MARCHF6: variants seen among roughly 807,000 people sequenced by gnomAD.
The protein encoded by MARCHF6 is E3 ubiquitin-protein ligase MARCHF6.
In MARCHF6, 31 loss-of-function variants were observed where a neutral mutation model predicts 133.7. The ratio of observed to expected loss-of-function variants is 0.23; its 90% CI spans 0.17 to 0.31. MARCHF6 has a LOEUF of 0.31. Among genes scored for constraint, MARCHF6 ranks in the 10% least tolerant of loss-of-function variants. MARCHF6 has a pLI of 1.00. For missense variants in MARCHF6, 723 were observed against 1,121.6 expected (o/e 0.64, Z 5.08); for synonymous variants, 395 against 402.5 (o/e 0.98, Z 0.22).
chr5:10,426,156 C>T (rs1346033730), intron 23 of MARCHF6, among the ~76,000 whole-genome samples: 1 of 152,148 alleles, frequency 6.6e-6, no homozygotes, highest in Admixed American at 6.5e-5. Flanking sequence ...AGATTAGTGT[C>T]TTATTTCATC....
chr5:10,394,004 A>AT, intron 7 of MARCHF6, 78 bp from the exon 8 acceptor site: 1 of 824,838 alleles, frequency 1.2e-6, no homozygotes, highest in Non-Finnish European at 1.8e-6. Flanking sequence ...AAATTTTACT[A>AT]TTTTTAGTGC....
chr5:10,353,739 TCTCTCCCTCTCC>T lies in MARCHF6; in HGVS notation c.-152_-141del, dbSNP rs1352543200. 1.1e-4 allele frequency: 30 copies of T among 277,124 alleles called. No homozygotes were observed. Among genetic ancestry groups the T allele is most frequent in the African/African-American group, 7.6e-4 (30 of 39,252 alleles). The allele number at this position is 277,124 out of a possible 1,614,324, so 17.2% of individuals were successfully genotyped here. ...CCGTGTCGCTCGCTTTCTGTCAGCC[TCTCTCCCTCTCC>T]CTCTCCCCTCTCCTTCCTCTCGCTT... On this transcript the variant is annotated 5_prime_UTR_variant, in exon 1 of 26. Coordinates refer to ENST00000274140, the MANE Select transcript of MARCHF6 (RefSeq NM_005885.4).
chr5:10,404,789 T>A (rs2126771226), intron 15 of MARCHF6, among the ~76,000 whole-genome samples: 1 of 152,300 alleles, frequency 6.6e-6, no homozygotes, highest in South Asian at 2.1e-4. Flanking sequence ...ACGGTATAAT[T>A]TCAGTAAATT....
chr5:10,417,492 A>G (rs1739574952), intron 22 of MARCHF6, 88 bp downstream of exon 22: 4 of 1,544,930 alleles, frequency 2.6e-6, no homozygotes, highest in Non-Finnish European at 2.6e-6. Context: ...TACGCCTATA[A>G]TCTAGCACTT....
intron 22 of MARCHF6, among the ~76,000 whole-genome samples, chr5:10,423,154 C>T (rs1052383966): frequency 6.6e-6 from 1 of 151,466 alleles, no homozygotes; most frequent in Admixed American, 6.6e-5. Flanking sequence ...TAAAGAGATA[C>T]TTGGTGGTGG....
At chr5:10,405,432 A>C in intron 15 of MARCHF6, 126 bp from the exon 16 acceptor site, 1 of 729,180 alleles carries the variant, frequency 1.4e-6, no homozygotes, top group Non-Finnish European at 2.1e-6. Context: ...TACCATGTAC[A>C]TTTTCTGGGG....
chr5:10,397,132 A>T (rs1738238103), intron 9 of MARCHF6, among the ~76,000 whole-genome samples, 161 bp from the exon 10 acceptor site: 1 of 152,172 alleles, frequency 6.6e-6, no homozygotes, highest in Non-Finnish European at 1.5e-5. Flanking sequence ...GAAAAATGAA[A>T]GTTACATATT....
intron 1 of MARCHF6, among the ~76,000 whole-genome samples, chr5:10,374,593 G>A (rs967172135): frequency 2.6e-5 from 4 of 152,180 alleles, no homozygotes; most frequent in African/African-American, 7.2e-5. Flanking sequence ...GTATTGCACC[G>A]CTAGGACTCA....
chr5:10,401,869 G>T, intron 11 of MARCHF6, 190 bp from the exon 12 acceptor site: 1 of 543,218 alleles, frequency 1.8e-6, no homozygotes, highest in Non-Finnish European at 3.3e-6. Flanking sequence ...TCATTTTTTA[G>T]TAATATATAA....
At chr5:10,413,760 A>C (rs1739354945) in intron 19 of MARCHF6, among the ~76,000 whole-genome samples, 1 of 152,038 alleles carries the variant, frequency 6.6e-6, no homozygotes, top group Non-Finnish European at 1.5e-5. Flanking sequence ...GGTGGGACTT[A>C]ATTCACTACC....
chr5:10,398,758 A>G (rs999759873), intron 10 of MARCHF6, among the ~76,000 whole-genome samples: 1 of 151,980 alleles, frequency 6.6e-6, no homozygotes. Flanking sequence ...TTCTAATCCA[A>G]CCTCCTGAGC....
chr5:10,356,645 C>G (rs1020666294), intron 1 of MARCHF6, among the ~76,000 whole-genome samples: 2 of 152,094 alleles, frequency 1.3e-5, no homozygotes, highest in Admixed American at 6.6e-5. Flanking sequence ...ATCTGTCCGC[C>G]TCAACCTCCC....
In MARCHF6 at chr5:10,433,945, A is replaced by T. The variant is rs1326558014; in HGVS notation, c.*261A>T. On this transcript the variant is annotated 3_prime_UTR_variant, in exon 26 of 26. Transcript: ENST00000274140. ...AAACCTTGGATTAAACAGAATGTGC[A>T]TTGTACATCTTTAAACAAAATGTAT... The T allele has an allele frequency of 2.3e-6, 1 of 426,200 alleles. No homozygotes were observed. Among genetic ancestry groups the T allele is most frequent in the Non-Finnish European group, 4.3e-6 (1 of 232,858 alleles). The allele number at this position is 426,200 out of a possible 1,614,324, so 26.4% of individuals were successfully genotyped here. A position where few individuals can be genotyped will look rare whatever the true frequency, so the allele number is the denominator to read the frequency against.
intron 21 of MARCHF6, among the ~76,000 whole-genome samples, chr5:10,415,893 T>C (rs1185966396): frequency 2.0e-5 from 3 of 152,190 alleles, no homozygotes; most frequent in African/African-American, 7.2e-5. Context: ...GAAAAACAGG[T>C]TGGGCACAAT....
chr5:10,370,308 C>A (rs1736394148), intron 1 of MARCHF6, among the ~76,000 whole-genome samples: 1 of 151,538 alleles, frequency 6.6e-6, no homozygotes, highest in Non-Finnish European at 1.5e-5. Flanking sequence ...TCCCTATGTT[C>A]CCCAGGCTGG....
intron 4 of MARCHF6, 128 bp downstream of exon 4, chr5:10,382,071 A>C (rs7700412): frequency 2.0e-6 from 2 of 1,003,196 alleles, no homozygotes; most frequent in East Asian, 5.3e-5. Context: ...GTCATGTATT[A>C]GGAAAGCCTT....
At chr5:10,396,913 A>C (rs1478571652) in intron 9 of MARCHF6, among the ~76,000 whole-genome samples, 1 of 152,230 alleles carries the variant, frequency 6.6e-6, no homozygotes, top group Non-Finnish European at 1.5e-5. Flanking sequence ...GTTGACGTTA[A>C]CATGATGTTT....
intron 1 of MARCHF6, among the ~76,000 whole-genome samples, chr5:10,376,630 T>G (rs1290145151): frequency 6.6e-6 from 1 of 152,124 alleles, no homozygotes; most frequent in Non-Finnish European, 1.5e-5. Flanking sequence ...CATCTGAGAT[T>G]GAGCAGTTAG....
Position 10,409,203 on chromosome 5 carries a change from A to G in MARCHF6, c.1554-936A>G, listed in dbSNP as rs147692670. On this transcript the variant is annotated intron_variant, in intron 17 of 25. Coordinates refer to ENST00000274140, the MANE Select transcript of MARCHF6 (RefSeq NM_005885.4). The stretch of plus-strand genomic sequence containing the variant: ...TACTCTACACATAGTAAAATCTCAA[A>G]TTTGTATTTTATTAAATTAGAATTG... Among the ~76,000 whole-genome samples the G allele has an allele frequency of 3.0e-3, 452 of 152,350 alleles. 1 individual carries two copies. Among genetic ancestry groups the G allele is most frequent in the Non-Finnish European group, 5.1e-3 (347 of 68,042 alleles).
Sources: allele counts gnomAD v4.1 joint callset (sites outside exome capture counted in the v4.1 genomes callset), GRCh38; gene constraint gnomAD v4.1.1; transcripts MANE v1.5; gene names NCBI Gene and HGNC (gene_info 2026-07-23, HGNC 2026-07-21).